The following CNTNAP2 variants were observed in gnomAD, a reference collection of about 807,000 sequenced individuals.
The protein encoded by CNTNAP2 is contactin-associated protein-like 2.
CNTNAP2 carries 98 observed loss-of-function variants against 155.2 expected under a neutral mutation model. That is an observed-to-expected ratio of 0.63 (90% CI 0.54 to 0.75). The LOEUF (loss-of-function observed/expected upper bound fraction) is 0.75, where lower values mean the gene tolerates loss of function less well. CNTNAP2 is among the 30% of genes least tolerant of loss of function. The probability of loss-of-function intolerance (pLI) is 0.00; values close to 1 mark genes in which losing one functional copy is unlikely to be tolerated. For missense variants in CNTNAP2, 1,727 were observed against 1,688.1 expected, an observed-to-expected ratio of 1.02 and a Z score of -0.40; for synonymous variants, 651 against 631.2, an observed-to-expected ratio of 1.03 and a Z score of -0.47.
intron 21 of CNTNAP2, among the ~76,000 whole-genome samples, chr7:148,281,518 A>G (rs1796972969): frequency 6.6e-6 from 1 of 152,204 alleles, no homozygotes; most frequent in Non-Finnish European, 1.5e-5. Context: ...AGAAGAAATT[A>G]TGTCCTGTTT....
chr7:148,113,054 C>G (rs1039252516), intron 15 of CNTNAP2, among the ~76,000 whole-genome samples: 30 of 152,174 alleles, frequency 2.0e-4, no homozygotes, highest in African/African-American at 7.2e-4. Flanking sequence ...AAATGCTGTC[C>G]ATCAGAAAAT....
intron 3 of CNTNAP2, among the ~76,000 whole-genome samples, chr7:146,963,702 A>G (rs1315840632): frequency 6.6e-6 from 1 of 152,192 alleles, no homozygotes; most frequent in East Asian, 1.9e-4. Flanking sequence ...CATAGTGTTG[A>G]AAAATCGATT....
At chr7:146,816,763 G>A (rs1803178976) in intron 2 of CNTNAP2, among the ~76,000 whole-genome samples, 1 of 152,128 alleles carries the variant, frequency 6.6e-6, no homozygotes. Context: ...CATGCCCTGG[G>A]TCAACATACT....
intron 1 of CNTNAP2, among the ~76,000 whole-genome samples, chr7:146,350,267 G>A (rs986621672): frequency 6.6e-6 from 1 of 151,704 alleles, no homozygotes; most frequent in African/African-American, 2.4e-5. Context: ...GAAAATTTTT[G>A]CAACCTACTC....
chr7:148,166,484 C>A (rs1023103606), intron 17 of CNTNAP2, among the ~76,000 whole-genome samples: 6 of 125,960 alleles, frequency 4.8e-5, no homozygotes, highest in Non-Finnish European at 7.9e-5. Flanking sequence ...AATTTGAGGA[C>A]AGTGTTTTTT....
intron 1 of CNTNAP2, among the ~76,000 whole-genome samples, chr7:146,201,478 A>G (rs1388060962): frequency 2.6e-5 from 4 of 152,202 alleles, no homozygotes; most frequent in African/African-American, 9.6e-5. Context: ...TTAATGCAAT[A>G]TAGACAATAG....
intron 21 of CNTNAP2, among the ~76,000 whole-genome samples, chr7:148,317,820 C>T (rs1028100219): frequency 1.3e-5 from 2 of 152,090 alleles, no homozygotes; most frequent in Non-Finnish European, 2.9e-5. Context: ...CCTGCCTCAG[C>T]CTCCTGAGTA....
chr7:146,609,178 G>C (rs1039716265), intron 1 of CNTNAP2, among the ~76,000 whole-genome samples: 5 of 152,248 alleles, frequency 3.3e-5, no homozygotes, highest in South Asian at 2.1e-4. Flanking sequence ...TCTTTGGTTA[G>C]AGTTTCATCA....
intron 15 of CNTNAP2, among the ~76,000 whole-genome samples, chr7:148,116,851 A>G (rs1199006547): frequency 6.6e-6 from 1 of 152,218 alleles, no homozygotes; most frequent in East Asian, 1.9e-4. Context: ...TAGTTGATTC[A>G]TTGTGCCTTT....
At chr7:146,597,924 T>G (rs1404036619) in intron 1 of CNTNAP2, among the ~76,000 whole-genome samples, 4 of 152,100 alleles carry the variant, frequency 2.6e-5, no homozygotes, top group Non-Finnish European at 1.5e-5. Context: ...CATGCATCTT[T>G]TGGCTCCTGT....
At chr7:148,415,170 C>T (rs189231349) in intron 23 of CNTNAP2, among the ~76,000 whole-genome samples, 22 of 152,226 alleles carry the variant, frequency 1.4e-4, no homozygotes, top group South Asian at 4.1e-4. Context: ...TGTAGACTGT[C>T]ATTTCATAGA....
chr7:146,966,492 A>G (rs1426618195), intron 3 of CNTNAP2, among the ~76,000 whole-genome samples: 2 of 152,034 alleles, frequency 1.3e-5, no homozygotes, highest in Non-Finnish European at 2.9e-5. Flanking sequence ...TCACCAGTTT[A>G]CTCTTTTAAT....
intron 1 of CNTNAP2, among the ~76,000 whole-genome samples, chr7:146,653,393 A>G (rs557481062): frequency 2.0e-5 from 3 of 152,150 alleles, no homozygotes; most frequent in Non-Finnish European, 4.4e-5. Context: ...AGCGAACAAG[A>G]CATTCATGGT....
At chr7:146,954,166 G>A (rs773263358) in intron 3 of CNTNAP2, among the ~76,000 whole-genome samples, 5 of 151,814 alleles carry the variant, frequency 3.3e-5, no homozygotes, top group Admixed American at 2.0e-4. Context: ...CAATAAAATC[G>A]TGTTAACTTA....
chr7:147,882,542 T>C (rs17170724), intron 13 of CNTNAP2, among the ~76,000 whole-genome samples: 5,983 of 152,254 alleles, frequency 0.039, 379 homozygotes, highest in African/African-American at 0.14. Context: ...TGCAGATCTG[T>C]AGGATTTATG....
chr7:146,757,689 G>A (rs189254942), intron 1 of CNTNAP2, among the ~76,000 whole-genome samples: 2 of 152,244 alleles, frequency 1.3e-5, no homozygotes, highest in East Asian at 3.9e-4. Flanking sequence ...TCAGAGGCCG[G>A]CTTCAGTAAA....
intron 1 of CNTNAP2, among the ~76,000 whole-genome samples, chr7:146,210,917 G>A (rs1346801467): frequency 6.6e-6 from 1 of 151,558 alleles, no homozygotes; most frequent in East Asian, 1.9e-4. Context: ...TAAGGTAAGA[G>A]GCCTAAATAA....
chr7:147,587,897 C>T (rs6968650), intron 12 of CNTNAP2, among the ~76,000 whole-genome samples: 98 of 152,178 alleles, frequency 6.4e-4, no homozygotes, highest in African/African-American at 2.4e-3. Context: ...ATGTTAGAAG[C>T]CAGAAGTCTT....
chr7:146,512,780 C>A (rs1797486887), intron 1 of CNTNAP2, among the ~76,000 whole-genome samples: 1 of 151,794 alleles, frequency 6.6e-6, no homozygotes, highest in Non-Finnish European at 1.5e-5. Context: ...TGGATAAAAT[C>A]TTCTTTAAAA....
Sources: allele counts gnomAD v4.1 joint callset (sites outside exome capture counted in the v4.1 genomes callset), GRCh38; gene constraint gnomAD v4.1.1; transcripts MANE v1.5; gene names NCBI Gene and HGNC (gene_info 2026-07-23, HGNC 2026-07-21).